Variants in ARHGAP32 observed in about 807,000 individuals in gnomAD.
The protein encoded by ARHGAP32 is rho GTPase-activating protein 32.
ARHGAP32 carries 51 observed loss-of-function variants against 186.5 expected under a neutral mutation model. The ratio of observed to expected loss-of-function variants is 0.27; its 90% confidence interval spans 0.22 to 0.35. ARHGAP32 has a LOEUF of 0.35. ARHGAP32 is among the 10% of genes least tolerant of loss of function. The pLI, the probability that ARHGAP32 is intolerant of heterozygous loss-of-function variation, is 1.00. For missense variants in ARHGAP32, 2,186 were observed against 2,623.5 expected, an observed-to-expected ratio of 0.83 and a Z score of 3.64; for synonymous variants, 950 against 964.3, an observed-to-expected ratio of 0.99 and a Z score of 0.27.
Position 128,968,803 on chromosome 11 carries a change from T to C in ARHGAP32, c.*104A>G. Reference sequence around the variant, plus strand: ...TTTTATTATCATTTTTTAAATGTGGTCAGGGGTTTTATAGTATTTTTTGTT... The same window carrying C: ...TTTTATTATCATTTTTTAAATGTGGCCAGGGGTTTTATAGTATTTTTTGTT... On this transcript the variant is annotated 3_prime_UTR_variant, in exon 23 of 23. Transcript: ENST00000682385. 1.1e-6 allele frequency: 1 copy of C among 933,152 alleles called. No homozygotes were observed. Among genetic ancestry groups the C allele is most frequent in the Non-Finnish European group, 1.5e-6 (1 of 689,642 alleles). 57.8% of individuals were successfully genotyped at this position (933,152 alleles called of 1,614,324 possible).
At chr11:129,127,436 A>G (rs545387928) in intron 2 of ARHGAP32, among the ~76,000 whole-genome samples, 53 of 152,286 alleles carry the variant, frequency 3.5e-4, no homozygotes, top group African/African-American at 1.3e-3. Context: ...CTGTCCAGCA[A>G]TATTTTCCTA....
upstream of ARHGAP32, among the ~76,000 whole-genome samples, chr11:129,196,016 G>A (rs1478917163): frequency 1.3e-5 from 2 of 152,198 alleles, no homozygotes; most frequent in Non-Finnish European, 2.9e-5. Flanking sequence ...AACCACAGGA[G>A]TCACCAGCAG....
intron 1 of ARHGAP32, among the ~76,000 whole-genome samples, chr11:129,266,323 C>T (rs1945399858): frequency 6.6e-6 from 1 of 152,028 alleles, no homozygotes; most frequent in Admixed American, 6.6e-5. Context: ...TTCAGGTGGA[C>T]CAAGTGATAA....
In ARHGAP32 at chr11:128,970,123, C is replaced by T. The variant is rs910991422; in HGVS notation, c.5090G>A (p.Arg1697His). Residue 1697 changes from arginine to histidine, a missense_variant, in exon 23 of 23, where the codon CGC becomes CAC. Physicochemically the swap from Arg to His is conservative, Grantham distance 29 (BLOSUM62 0). This residue lies in a region of ARHGAP32 where 1,502 missense variants were observed against 1,570.0 expected (regional missense o/e 0.96). Coordinates refer to ENST00000682385, the MANE Select transcript of ARHGAP32 (RefSeq NM_001378024.1). This position sits in a 1 kb window ranked among gnomAD's most constrained non-coding sequence, Gnocchi z 5.8. ...YGTVQLRPLH[R>H]LPNRDFAFYN... ...GAAAGCAAAGTCTCGATTGGGAAGGCGGTGAAGGGGTCTCAACTGGACTGT... is the reference window on the plus strand; with the variant it reads ...GAAAGCAAAGTCTCGATTGGGAAGGTGGTGAAGGGGTCTCAACTGGACTGT... 2.2e-5 allele frequency: 36 copies of T among 1,614,048 alleles called. No homozygotes were observed. Among genetic ancestry groups the T allele is most frequent in the Non-Finnish European group, 2.7e-5 (32 of 1,180,040 alleles).
intron 2 of ARHGAP32, among the ~76,000 whole-genome samples, chr11:129,132,594 T>C (rs1178125515): frequency 1.3e-5 from 2 of 152,192 alleles, no homozygotes; most frequent in Non-Finnish European, 2.9e-5. Flanking sequence ...GCCAGGCTGC[T>C]GTCTAATAAA....
chr11:129,253,579 T>G (rs1191901573), intron 1 of ARHGAP32, among the ~76,000 whole-genome samples: 3 of 152,152 alleles, frequency 2.0e-5, no homozygotes, highest in Non-Finnish European at 4.4e-5. Context: ...ACTAACACAT[T>G]GTACTAAGAA....
intron 1 of ARHGAP32, among the ~76,000 whole-genome samples, chr11:129,218,146 C>A (rs1229378998): frequency 1.3e-5 from 2 of 152,132 alleles, no homozygotes; most frequent in African/African-American, 4.8e-5. Flanking sequence ...AATTCAAAAC[C>A]TTTTAAATAT....
chr11:129,058,142 A>C (rs1428661117), intron 10 of ARHGAP32, among the ~76,000 whole-genome samples: 1 of 151,544 alleles, frequency 6.6e-6, no homozygotes, highest in Non-Finnish European at 1.5e-5. Context: ...CACTGGCAGA[A>C]GTATCAGTGG....
chr11:129,274,922 C>G (rs891681285), intron 1 of ARHGAP32, among the ~76,000 whole-genome samples: 5 of 146,296 alleles, frequency 3.4e-5, no homozygotes, highest in Non-Finnish European at 7.5e-5. Context: ...AAAAAAAAAG[C>G]CAGTACCAGT....
intron 2 of ARHGAP32, among the ~76,000 whole-genome samples, chr11:129,145,800 A>C (rs1943157723): frequency 6.6e-6 from 1 of 152,120 alleles, no homozygotes; most frequent in Admixed American, 6.5e-5. Flanking sequence ...GTAACGTATT[A>C]AATAACTTCA....
At chr11:129,173,152 C>T (rs1374098073) in intron 1 of ARHGAP32, among the ~76,000 whole-genome samples, 1 of 151,932 alleles carries the variant, frequency 6.6e-6, no homozygotes, top group Admixed American at 6.6e-5. Flanking sequence ...CACAGAAATA[C>T]AAACTACCAT....
intron 1 of ARHGAP32, among the ~76,000 whole-genome samples, chr11:129,184,357 A>G (rs1055046486): frequency 4.6e-5 from 7 of 152,150 alleles, no homozygotes; most frequent in African/African-American, 1.7e-4. Flanking sequence ...AGAATAAAAC[A>G]GAACATGTAC....
intron 2 of ARHGAP32, among the ~76,000 whole-genome samples, chr11:129,163,424 T>A (rs1260752198): frequency 2.0e-5 from 3 of 152,160 alleles, no homozygotes; most frequent in Non-Finnish European, 4.4e-5. Flanking sequence ...ACACTGCTGA[T>A]TTTTCCACCT....
At chr11:129,171,511 T>C (rs1041199579) in intron 1 of ARHGAP32, among the ~76,000 whole-genome samples, 2 of 152,206 alleles carry the variant, frequency 1.3e-5, no homozygotes, top group Admixed American at 1.3e-4. Flanking sequence ...GAGGTCTCTG[T>C]TCTGCTCCAT....
intron 2 of ARHGAP32, among the ~76,000 whole-genome samples, chr11:129,161,493 T>C (rs555631090): frequency 4.3e-4 from 65 of 151,684 alleles, no homozygotes; most frequent in Admixed American, 1.3e-3. Flanking sequence ...TAGCAAAGTA[T>C]ATGAACAGAC....
Position 128,980,761 on chromosome 11 carries a change from A to G in ARHGAP32, c.1781-13T>C, listed in dbSNP as rs1343773113. On this transcript the variant is annotated splice_polypyrimidine_tract_variant and intron_variant, in intron 17 of 22. Coordinates refer to ENST00000682385, the MANE Select transcript of ARHGAP32 (RefSeq NM_001378024.1). ...CTTGATAGAGAAGCTTCAAAAAGAA[A>G]AGGAAGCTGATGAAGAGAGTCAACT... The G allele has an allele frequency of 1.3e-6, 2 of 1,584,440 alleles. No individual in the cohort carries two copies. Among genetic ancestry groups the G allele is most frequent in the African/African-American group, 1.4e-5 (1 of 73,482 alleles).
intron 12 of ARHGAP32, among the ~76,000 whole-genome samples, chr11:128,994,394 ATCCACCTGTCTCGGCC>A (rs1236653653): frequency 6.6e-6 from 1 of 152,004 alleles, no homozygotes; most frequent in Non-Finnish European, 1.5e-5. Context: ...ACCTCAGGTG[ATCCACCTGTCTCGGCC>A]TCCCAAAGTG....
intron 1 of ARHGAP32, among the ~76,000 whole-genome samples, chr11:129,233,059 GTATT>G (rs1944879487): frequency 6.6e-6 from 1 of 151,932 alleles, no homozygotes; most frequent in Admixed American, 6.6e-5. Flanking sequence ...TTCCAATAAA[GTATT>G]TATTTTTACT....
Position 128,966,693 on chromosome 11 carries a change from C to T in ARHGAP32, c.*2214G>A, listed in dbSNP as rs1945229312. ...GACAACAAATCCACAAATATTAAAA[C>T]TGGACCGGACTCCCTGGGTTACTTT... On this transcript the variant is annotated 3_prime_UTR_variant, in exon 23 of 23. Coordinates refer to ENST00000682385, the MANE Select transcript of ARHGAP32 (RefSeq NM_001378024.1). 2 of 152,136 alleles carry T rather than the reference C, an allele frequency of 1.3e-5. No individual in the cohort carries two copies. Among genetic ancestry groups the T allele is most frequent in the Admixed American group, 6.5e-5 (1 of 15,274 alleles). The allele number at this position is 152,136 out of a possible 1,614,324, so 9.4% of individuals were successfully genotyped here.
Sources: allele counts gnomAD v4.1 joint callset (sites outside exome capture counted in the v4.1 genomes callset), GRCh38; gene constraint gnomAD v4.1.1; regional missense constraint gnomAD v4.1.1; non-coding constraint Gnocchi (gnomAD v3.1); transcripts MANE v1.5; gene names NCBI Gene and HGNC (gene_info 2026-07-23, HGNC 2026-07-21).